ERAP1: variants seen among roughly 807,000 people sequenced by gnomAD.
ERAP1 encodes endoplasmic reticulum aminopeptidase 1.
A neutral mutation model predicts 103.7 loss-of-function variants in ERAP1; 86 were observed. That is an observed-to-expected ratio of 0.83 (90% confidence interval 0.70 to 0.99). The LOEUF is 0.99. Among genes scored for constraint, ERAP1 ranks in the 50% least tolerant of loss-of-function variants. The pLI is 0.00. For missense variants in ERAP1, 1,009 were observed against 1,128.4 expected (o/e 0.89, Z 1.52); for synonymous variants, 398 against 402.4 (o/e 0.99, Z 0.13).
chr5:96,839,409 T>C, the ERAP1 span, among the ~76,000 whole-genome samples: 6 of 152,312 alleles, frequency 3.9e-5, no homozygotes, highest in South Asian at 2.1e-4. Context: ...TTCTGAGTTA[T>C]CTCATTAGCA....
chr5:96,880,168 A>G, the ERAP1 span: 1 of 1,614,112 alleles, frequency 6.2e-7, no homozygotes, highest in Non-Finnish European at 8.5e-7. Flanking sequence ...CTCACCTGAA[A>G]TACTATGTGG....
chr5:96,922,766 G>T, the ERAP1 span, among the ~76,000 whole-genome samples: 6 of 152,198 alleles, frequency 3.9e-5, no homozygotes, highest in Admixed American at 3.9e-4. Context: ...AGTGAAAGAG[G>T]CTGGATAGCA....
rs572624074 is a variant in ERAP1, at chr5:96,775,333, A to G, written c.*1063T>C. Reference sequence around the variant, plus strand: ...ATATGAGCAAATATTTTGTTTCACAATGTACTATCATTTATTGGTGACTGC... The same window carrying G: ...ATATGAGCAAATATTTTGTTTCACAGTGTACTATCATTTATTGGTGACTGC... On this transcript the variant is annotated 3_prime_UTR_variant, in exon 19 of 19. Coordinates refer to ENST00000443439, the MANE Select transcript of ERAP1 (RefSeq NM_001040458.3). 6.1e-6 allele frequency: 6 copies of G among 985,340 alleles called. No homozygotes were observed. The highest frequency in any genetic ancestry group is 4.7e-5 in the South Asian group (1 of 21,266). 61.0% of individuals were successfully genotyped at this position (985,340 alleles called of 1,614,324 possible). A position where few individuals can be genotyped will look rare whatever the true frequency, so the allele number is the denominator to read the frequency against.
chr5:96,830,595 A>C, the ERAP1 span, among the ~76,000 whole-genome samples: 1 of 152,250 alleles, frequency 6.6e-6, no homozygotes, highest in African/African-American at 2.4e-5. Context: ...ATATAGATAA[A>C]TCTTGCAAAT....
chr5:96,857,778 A>G, the ERAP1 span, among the ~76,000 whole-genome samples: 4 of 152,234 alleles, frequency 2.6e-5, no homozygotes, highest in Admixed American at 2.6e-4. Context: ...AACTTTCAAA[A>G]TAACCTTAAA....
intron 18 of ERAP1, among the ~76,000 whole-genome samples, chr5:96,778,242 T>A (rs1327891988): frequency 1.3e-5 from 2 of 152,168 alleles, no homozygotes; most frequent in Non-Finnish European, 2.9e-5. Flanking sequence ...TTACAGTCTT[T>A]TGGGGTATAC....
chr5:96,788,824 G>A (rs1053009706), intron 10 of ERAP1, 139 bp from the exon 11 acceptor site: 21 of 1,018,030 alleles, frequency 2.1e-5, no homozygotes, highest in African/African-American at 3.2e-5. Context: ...CCCTTTCTCA[G>A]TGTGATGTCC....
exon 20 of ERAP1, chr5:96,762,767 A>G (rs1012510063): frequency 2.0e-5 from 5 of 246,304 alleles, no homozygotes; most frequent in African/African-American, 1.1e-4. Flanking sequence ...ATTTAACCTC[A>G]AGTTTATTTT....
chr5:96,796,517 C>T (rs1777361873), intron 4 of ERAP1, among the ~76,000 whole-genome samples: 1 of 152,174 alleles, frequency 6.6e-6, no homozygotes, highest in Non-Finnish European at 1.5e-5. Context: ...CCAGAAGCAA[C>T]CTTAGAGACC....
chr5:96,811,037 A>G (rs1206715617), upstream of ERAP1, among the ~76,000 whole-genome samples: 2 of 152,122 alleles, frequency 1.3e-5, no homozygotes, highest in South Asian at 2.1e-4. Context: ...CCTTCCACAC[A>G]CATTGTGGTC....
chr5:96,931,989 C>CTAG, the ERAP1 span, among the ~76,000 whole-genome samples: 1 of 152,202 alleles, frequency 6.6e-6, no homozygotes, highest in African/African-American at 2.4e-5. Context: ...GGAATCTGAA[C>CTAG]TAGTATATCA....
At chr5:96,804,724 G>A (rs1260652625) in intron 1 of ERAP1, 1 of 152,586 alleles carries the variant, frequency 6.6e-6, no homozygotes, top group Non-Finnish European at 1.5e-5. Context: ...GAGGTGGGCA[G>A]ATCACAAGGT....
At position 96,792,090 on chromosome 5, in the gene ERAP1, C is replaced by T. The variant is rs1280650293; in HGVS notation, c.1291G>A (p.Glu431Lys). 3 of 1,613,970 alleles carry T rather than the reference C, an allele frequency of 1.9e-6. No homozygotes were observed. Among genetic ancestry groups the T allele is most frequent in the South Asian group, 2.2e-5 (2 of 91,090 alleles). The change falls in exon 8 of 19, where the codon GAG (glutamate) becomes AAG (lysine). Residue 431 changes from glutamate (E) to lysine (K), a missense_variant. Transcript: ENST00000443439. ...TPVENPAQIR[E>K]MFDDVSYDKG... is the part of the protein sequence containing the mutation. The stretch of plus-strand genomic sequence containing the variant: ...TCATAAGAAACATCATCAAACATCT[C>T]CCGGATCTGAGCAGGATTTTCCACA...
the ERAP1 span, among the ~76,000 whole-genome samples, chr5:96,849,704 A>G: frequency 6.6e-6 from 1 of 152,220 alleles, no homozygotes; most frequent in African/African-American, 2.4e-5. Flanking sequence ...TACAGATTCA[A>G]TGTAATCCCT....
chr5:96,913,423 T>G, the ERAP1 span: 1 of 1,614,044 alleles, frequency 6.2e-7, no homozygotes, highest in African/African-American at 1.3e-5. Context: ...AGCATGGGAT[T>G]TTGTAAGAGA....
chr5:96,902,244 G>C, the ERAP1 span: 1 of 1,454,294 alleles, frequency 6.9e-7, no homozygotes, highest in African/African-American at 1.4e-5. Flanking sequence ...CATTCTTTTG[G>C]TCTGTAACTA....
chr5:96,776,884 T>C (rs1409658148), intron 18 of ERAP1: 1 of 243,584 alleles, frequency 4.1e-6, no homozygotes, highest in Non-Finnish European at 8.0e-6. Context: ...ACTTCGTTTT[T>C]TAAAAACATG....
chr5:96,856,365 T>TAGAGAGAGAGAGAG, the ERAP1 span, among the ~76,000 whole-genome samples: 13 of 20,378 alleles, frequency 6.4e-4, no homozygotes, highest in Admixed American at 1.2e-3. Context: ...TATATATATA[T>TAGAGAGAGAGAGAG]AGAGAGAGAG....
chr5:96,902,387 T>A, the ERAP1 span: 1 of 1,343,796 alleles, frequency 7.4e-7, no homozygotes, highest in Non-Finnish European at 1.1e-6. Context: ...GGTATTTCAA[T>A]GTGGAAATTA....
Sources: allele counts gnomAD v4.1 joint callset (sites outside exome capture counted in the v4.1 genomes callset), GRCh38; gene constraint gnomAD v4.1.1; transcripts MANE v1.5; gene names NCBI Gene and HGNC (gene_info 2026-07-23, HGNC 2026-07-21).